CSMD1: variants seen among roughly 807,000 people sequenced by gnomAD.
CSMD1 encodes the protein CUB and sushi domain-containing protein 1.
A neutral mutation model predicts 417.5 loss-of-function variants in CSMD1; 213 were observed. That is an observed-to-expected ratio of 0.51 (90% confidence interval 0.46 to 0.57). CSMD1 has a LOEUF of 0.57. Among genes scored for constraint, CSMD1 ranks in the 20% least tolerant of loss-of-function variants. CSMD1 has a pLI of 0.00. For missense variants in CSMD1, 6,923 were observed against 4,529.7 expected (o/e 1.53, Z -15.17); for synonymous variants, 2,862 against 1,736.8 (o/e 1.65, Z -16.11).
chr8:3,078,620 C>G (rs985311227), intron 49 of CSMD1, among the ~76,000 whole-genome samples: 1 of 152,106 alleles, frequency 6.6e-6, no homozygotes, highest in Non-Finnish European at 1.5e-5. Context: ...GCTTTTACAT[C>G]GTTTTTAATT....
intron 10 of CSMD1, among the ~76,000 whole-genome samples, chr8:3,510,795 C>A (rs779415857): frequency 6.6e-6 from 1 of 151,836 alleles, no homozygotes; most frequent in Non-Finnish European, 1.5e-5. Context: ...TTATTAGCCG[C>A]ATAAATGTCT....
intron 2 of CSMD1, among the ~76,000 whole-genome samples, chr8:4,567,788 A>T (rs1159895083): frequency 6.6e-6 from 1 of 152,202 alleles, no homozygotes; most frequent in Non-Finnish European, 1.5e-5. Flanking sequence ...ATTATCGTAT[A>T]CCAGAAAGGA....
chr8:4,069,907 G>C (rs771256560), intron 3 of CSMD1, among the ~76,000 whole-genome samples: 6 of 151,682 alleles, frequency 4.0e-5, no homozygotes, highest in African/African-American at 7.3e-5. Context: ...TTTTGTTTTT[G>C]TTTTTTACCA....
intron 5 of CSMD1, among the ~76,000 whole-genome samples, chr8:3,829,031 A>T (rs4993887): frequency 1.3e-5 from 2 of 150,328 alleles, no homozygotes; most frequent in African/African-American, 4.9e-5. Flanking sequence ...TTTTTTTAAA[A>T]AAATGTATTT....
chr8:4,529,068 A>C (rs1360803221), intron 2 of CSMD1, among the ~76,000 whole-genome samples: 1 of 152,194 alleles, frequency 6.6e-6, no homozygotes. Flanking sequence ...TGATCTGAAA[A>C]GTTGATCAGA....
At chr8:3,198,255 C>T (rs1036467203) in intron 33 of CSMD1, among the ~76,000 whole-genome samples, 1 of 152,076 alleles carries the variant, frequency 6.6e-6, no homozygotes, top group African/African-American at 2.4e-5. Flanking sequence ...AAGGAAAGCC[C>T]CTTATAAAGG....
At chr8:3,752,005 A>G (rs139415719) in intron 6 of CSMD1, among the ~76,000 whole-genome samples, 68 of 152,286 alleles carry the variant, frequency 4.5e-4, no homozygotes, top group African/African-American at 1.6e-3. Context: ...ATAGATAAGG[A>G]TCACTGAAGA....
intron 12 of CSMD1, among the ~76,000 whole-genome samples, chr8:3,455,433 C>T (rs939682480): frequency 1.3e-5 from 2 of 152,174 alleles, no homozygotes; most frequent in Non-Finnish European, 2.9e-5. Flanking sequence ...TTTTCCCCAT[C>T]TTTGTGGTTT....
At chr8:3,936,315 A>G (rs1391705499) in intron 5 of CSMD1, among the ~76,000 whole-genome samples, 1 of 152,206 alleles carries the variant, frequency 6.6e-6, no homozygotes, top group Admixed American at 6.5e-5. Context: ...ACTAAAAGGC[A>G]GATATTGAGT....
chr8:3,452,573 A>G (rs893589042), intron 12 of CSMD1, among the ~76,000 whole-genome samples: 15 of 152,198 alleles, frequency 9.9e-5, no homozygotes, highest in Non-Finnish European at 1.8e-4. Flanking sequence ...TATTGAGATA[A>G]TCATGTGGTT....
At chr8:3,591,118 T>C (rs960882597) in intron 8 of CSMD1, among the ~76,000 whole-genome samples, 3 of 152,198 alleles carry the variant, frequency 2.0e-5, no homozygotes, top group Admixed American at 1.3e-4. Flanking sequence ...CAATTGTTAG[T>C]AGTTAGTAAC....
intron 2 of CSMD1, among the ~76,000 whole-genome samples, chr8:4,457,354 G>T (rs189566176): frequency 3.3e-5 from 5 of 152,106 alleles, no homozygotes; most frequent in Admixed American, 2.6e-4. Context: ...GGGGTTTGCG[G>T]AGGAAGAAGT....
At chr8:4,760,867 C>G (rs1232895891) in intron 1 of CSMD1, among the ~76,000 whole-genome samples, 2 of 152,180 alleles carry the variant, frequency 1.3e-5, no homozygotes, top group African/African-American at 2.4e-5. Flanking sequence ...TAATATACAA[C>G]TCATGTCATG....
chr8:3,520,738 T>A (rs1243830589), intron 10 of CSMD1, among the ~76,000 whole-genome samples: 1 of 152,000 alleles, frequency 6.6e-6, no homozygotes, highest in East Asian at 1.9e-4. Context: ...TTTGTGTGTA[T>A]ATCCTACAAT....
chr8:4,990,877 C>T (rs60913964), intron 1 of CSMD1, among the ~76,000 whole-genome samples: 4,235 of 152,202 alleles, frequency 0.028, 178 homozygotes, highest in African/African-American at 0.096. Context: ...GCACCTCTCT[C>T]GCGGTGGAGT....
intron 1 of CSMD1, among the ~76,000 whole-genome samples, chr8:4,739,127 AACAT>A (rs1387974823): frequency 2.0e-5 from 3 of 152,154 alleles, no homozygotes; most frequent in African/African-American, 7.2e-5. Flanking sequence ...CATACATGTG[AACAT>A]ACACACACGC....
intron 1 of CSMD1, among the ~76,000 whole-genome samples, chr8:4,967,617 C>G (rs190840503): frequency 6.6e-6 from 1 of 152,212 alleles, no homozygotes; most frequent in African/African-American, 2.4e-5. Flanking sequence ...ACCTATACTT[C>G]GGTTCTATGT....
chr8:3,502,208 T>C (rs1407879299), intron 10 of CSMD1, among the ~76,000 whole-genome samples: 1 of 151,112 alleles, frequency 6.6e-6, no homozygotes, highest in African/African-American at 2.4e-5. Flanking sequence ...ACTAAAAATA[T>C]AAAAAAATTA....
intron 10 of CSMD1, among the ~76,000 whole-genome samples, chr8:3,523,829 G>A (rs561438633): frequency 6.8e-4 from 84 of 122,824 alleles, no homozygotes; most frequent in African/African-American, 2.6e-3. Flanking sequence ...ACATATGCAT[G>A]CACACCCAGA....
Sources: gnomAD v4.1 joint callset for allele counts (sites outside exome capture counted in the v4.1 genomes callset) on GRCh38, gnomAD v4.1.1 for gene constraint, MANE v1.5 for transcripts, NCBI Gene and HGNC (gene_info 2026-07-23, HGNC 2026-07-21) for gene names.